CNPY1: variants seen among roughly 807,000 people sequenced by gnomAD.
The protein encoded by CNPY1 is protein canopy homolog 1.
CNPY1 carries 14 observed loss-of-function variants against 14.4 expected under a neutral mutation model. The observed-to-expected ratio is 0.97, with a 90% CI of 0.64 to 1.52. The LOEUF is 1.52. Among genes scored for constraint, CNPY1 ranks in the 40% most tolerant of loss-of-function variants. The pLI, the probability that CNPY1 is intolerant of heterozygous loss-of-function variation, is 0.00. For synonymous variants in CNPY1, 43 were observed against 46.5 expected (o/e 0.92, Z 0.31); for missense variants, 129 against 131.5 (o/e 0.98, Z 0.09).
In CNPY1 at chr7:155,511,057, G is replaced by T. The variant is rs183467732; in HGVS notation, c.100-1960C>A. Among the ~76,000 whole-genome samples the T allele has an allele frequency of 7.9e-5, 12 of 152,344 alleles. No individual in the cohort carries two copies. In the East Asian group the frequency reaches 2.3e-3, roughly 29 times the overall value. On this transcript the variant is annotated intron_variant, in intron 2 of 4. Coordinates refer to ENST00000636446, the MANE Select transcript of CNPY1 (RefSeq NM_001393663.1). ...ACAGAGTAGCATTTTACTTGAAAGT[G>T]AAGAGTAGACGCTGTCATTTAAAAA...
At chr7:155,520,106 T>A (rs758591181) in intron 2 of CNPY1, among the ~76,000 whole-genome samples, 1 of 152,230 alleles carries the variant, frequency 6.6e-6, no homozygotes, top group Non-Finnish European at 1.5e-5. Context: ...ATGCTCATAT[T>A]TCTGGCCGAG....
intron 2 of CNPY1, among the ~76,000 whole-genome samples, chr7:155,528,163 T>A (rs943891290): frequency 1.3e-5 from 2 of 152,196 alleles, no homozygotes; most frequent in Non-Finnish European, 2.9e-5. Flanking sequence ...AAAAAGGACA[T>A]GAGAAGGGCC....
intron 2 of CNPY1, among the ~76,000 whole-genome samples, chr7:155,520,465 T>C (rs1796700008): frequency 1.4e-5 from 2 of 138,072 alleles, no homozygotes; most frequent in African/African-American, 2.7e-5. Flanking sequence ...GAGGCAGAGT[T>C]TCACTCTTTT....
chr7:155,527,056 T>TTCTTTCTTTC lies in CNPY1; in HGVS notation c.100-17960_100-17959insGAAAGAAAGA, dbSNP rs760709873. On this transcript the variant is annotated intron_variant, in intron 2 of 4. Transcript: ENST00000636446. ...TTTCTTTCTTTCTTTCTTTCTTTCTTTTTTTTTTTTTTTTTGAGACAGTCT... is the reference window on the plus strand; with the variant it reads ...TTTCTTTCTTTCTTTCTTTCTTTCTTTCTTTCTTTCTTTTTTTTTTTTTTTGAGACAGTCT... Among the ~76,000 whole-genome samples, 18 of 89,266 alleles carry TTCTTTCTTTC rather than the reference T, an allele frequency of 2.0e-4. No homozygotes were observed. The South Asian group carries it at 4.3e-3, about 21-fold the overall frequency. The allele number at this position is 89,266 out of a possible 152,430, so 58.6% of individuals were successfully genotyped here.
intron 2 of CNPY1, among the ~76,000 whole-genome samples, chr7:155,515,578 G>A (rs2116703802): frequency 6.6e-6 from 1 of 152,282 alleles, no homozygotes; most frequent in East Asian, 1.9e-4. Context: ...ATCGAGAGGT[G>A]TGGAGGGTGG....
At chr7:155,507,792 G>C (rs998654331) in intron 3 of CNPY1, among the ~76,000 whole-genome samples, 1 of 152,166 alleles carries the variant, frequency 6.6e-6, no homozygotes, top group Non-Finnish European at 1.5e-5. Flanking sequence ...TCTAACTGAA[G>C]TATGTTTCTT....
chr7:155,511,653 G>T (rs1411744964), intron 2 of CNPY1, among the ~76,000 whole-genome samples: 1 of 152,188 alleles, frequency 6.6e-6, no homozygotes, highest in African/African-American at 2.4e-5. Context: ...CTGGCTTTTT[G>T]ATGTGATTCG....
chr7:155,513,904 C>G (rs1258620508), intron 2 of CNPY1, among the ~76,000 whole-genome samples: 2 of 152,174 alleles, frequency 1.3e-5, no homozygotes, highest in African/African-American at 4.8e-5. Flanking sequence ...AAAATAAACC[C>G]TTTAATTTTT....
chr7:155,527,434 CTTTT>C (rs11364914), intron 2 of CNPY1, among the ~76,000 whole-genome samples: 2 of 56,884 alleles, frequency 3.5e-5, no homozygotes, highest in Non-Finnish European at 6.0e-5. Context: ...TAATTAATTT[CTTTT>C]TTTTTTTTTT....
rs60236629 is a variant in CNPY1 at position 155,502,003 on chromosome 7, T to TGGGGGGGGGGTGG, written c.*1064_*1065insCCACCCCCCCCCC. Reference sequence around the variant, plus strand: ...GCAAAGAGTTTTGGGTCGGGGGGGTTGGGGGGGGGATTTGTAGCATCCTAC... The same window carrying TGGGGGGGGGGTGG: ...GCAAAGAGTTTTGGGTCGGGGGGGTTGGGGGGGGGGTGGGGGGGGGGGATTTGTAGCATCCTAC... On this transcript the variant is annotated 3_prime_UTR_variant, in exon 5 of 5. Coordinates refer to ENST00000636446, the MANE Select transcript of CNPY1 (RefSeq NM_001393663.1). 1.2e-4 allele frequency: 15 copies of TGGGGGGGGGGTGG among 125,356 alleles called. No individual in the cohort carries two copies. Among genetic ancestry groups the TGGGGGGGGGGTGG allele is most frequent in the Non-Finnish European group, 2.2e-4 (13 of 60,084 alleles). 7.8% of individuals were successfully genotyped at this position (125,356 alleles called of 1,614,324 possible). A position where few individuals can be genotyped will look rare whatever the true frequency, so the allele number is the denominator to read the frequency against.
chr7:155,513,052 C>G (rs1308794504), intron 2 of CNPY1, among the ~76,000 whole-genome samples: 1 of 152,188 alleles, frequency 6.6e-6, no homozygotes, highest in Non-Finnish European at 1.5e-5. Flanking sequence ...ACAGGGGAAG[C>G]ATGAATTCAG....
Position 155,508,809 on chromosome 7 carries a change from CACA to C in CNPY1, c.303+82_303+84del, listed in dbSNP as rs1200862955. 5.2e-5 allele frequency: 74 copies of C among 1,416,604 alleles called. No homozygotes were observed. In the African/African-American group the frequency reaches 8.8e-4, roughly 17 times the overall value. 87.8% of individuals were successfully genotyped at this position (1,416,604 alleles called of 1,614,324 possible). Reference sequence around the variant, plus strand: ...GATGTTCCATGTCTTGAAACTCAACCACAACAAGAGTAGAAAACAACAAAAAAG... The same window carrying C: ...GATGTTCCATGTCTTGAAACTCAACCACAAGAGTAGAAAACAACAAAAAAG... On this transcript the variant is annotated intron_variant, in intron 3 of 4. Coordinates refer to ENST00000636446, the MANE Select transcript of CNPY1 (RefSeq NM_001393663.1).
chr7:155,520,893 G>A (rs946531927), intron 2 of CNPY1, among the ~76,000 whole-genome samples: 13 of 152,094 alleles, frequency 8.5e-5, no homozygotes, highest in South Asian at 2.1e-4. Flanking sequence ...TTGGGAGGCC[G>A]AGGCAGGCGG....
chr7:155,522,691 C>T (rs865810499), intron 2 of CNPY1, among the ~76,000 whole-genome samples: 12 of 148,810 alleles, frequency 8.1e-5, no homozygotes, highest in African/African-American at 1.6e-4. Flanking sequence ...CCACAGTCCT[C>T]GTAAGAGCCA....
At chr7:155,528,313 G>A (rs1796867215) in intron 2 of CNPY1, among the ~76,000 whole-genome samples, 1 of 152,236 alleles carries the variant, frequency 6.6e-6, no homozygotes, top group African/African-American at 2.4e-5. Flanking sequence ...GGTCTTCTCG[G>A]CCTTGTAGGA....
intron 2 of CNPY1, among the ~76,000 whole-genome samples, chr7:155,521,693 T>C (rs1796728565): frequency 6.6e-6 from 1 of 152,178 alleles, no homozygotes; most frequent in South Asian, 2.1e-4. Context: ...CACATGAAAA[T>C]GATGTGAAAT....
intron 2 of CNPY1, among the ~76,000 whole-genome samples, chr7:155,514,300 G>T (rs1796576829): frequency 1.3e-5 from 2 of 152,174 alleles, no homozygotes; most frequent in African/African-American, 4.8e-5. Context: ...TTTTGGAAAA[G>T]AACATGTGCC....
intron 2 of CNPY1, among the ~76,000 whole-genome samples, chr7:155,542,386 G>A (rs924560487): frequency 1.1e-4 from 16 of 152,176 alleles, no homozygotes; most frequent in Non-Finnish European, 2.9e-5. Flanking sequence ...GGCGGGCGTA[G>A]GGAGCCAAGG....
chr7:155,540,948 A>C (rs1268375334), intron 2 of CNPY1, among the ~76,000 whole-genome samples: 1 of 152,232 alleles, frequency 6.6e-6, no homozygotes, highest in East Asian at 1.9e-4. Context: ...GCCCTGTTTT[A>C]GGAAAGGTGC....
Sources: gnomAD v4.1 joint callset for allele counts (sites outside exome capture counted in the v4.1 genomes callset) on GRCh38, gnomAD v4.1.1 for gene constraint, MANE v1.5 for transcripts, NCBI Gene and HGNC (gene_info 2026-07-23, HGNC 2026-07-21) for gene names.